The following ROBO2 variants were observed in gnomAD, a reference collection of about 807,000 sequenced individuals.
The protein encoded by ROBO2 is roundabout guidance receptor 2, also known as roundabout homolog 2.
In ROBO2, 53 loss-of-function variants were observed where a neutral mutation model predicts 160.8. That is an observed-to-expected ratio of 0.33 (90% confidence interval 0.26 to 0.41). The LOEUF is 0.41. Among genes scored for constraint, ROBO2 ranks in the 10% least tolerant of loss-of-function variants. The pLI is 1.00. For synonymous variants in ROBO2, 664 were observed against 611.7 expected, an observed-to-expected ratio of 1.09 and a Z score of -1.26; for missense variants, 1,577 against 1,722.4, an observed-to-expected ratio of 0.92 and a Z score of 1.49.
chr3:77,064,150 C>T (rs190931006), intron 1 of ROBO2, among the ~76,000 whole-genome samples: 1 of 151,958 alleles, frequency 6.6e-6, no homozygotes, highest in East Asian at 1.9e-4. Context: ...TTGTTATAAA[C>T]GTTTGATTTT....
At position 77,361,452 on chromosome 3, in the gene ROBO2, A is replaced by G. The variant is rs575308355; in HGVS notation, c.389-115962A>G. Among the ~76,000 whole-genome samples the G allele has an allele frequency of 1.2e-3, 178 of 152,304 alleles. 2 individuals carry two copies. The highest frequency in any genetic ancestry group is 3.9e-3 in the African/African-American group (164 of 41,578). On this transcript the variant is annotated intron_variant, in intron 2 of 25. Coordinates refer to ENST00000461745, the Ensembl canonical transcript of ROBO2. ...TTAAAAACATGTTATATATCAAGCT[A>G]TCTGTCTTAGTTGGTTCAGGTTGCT...
intron 2 of ROBO2, among the ~76,000 whole-genome samples, chr3:76,480,339 C>T (rs540989011): frequency 6.6e-6 from 1 of 152,136 alleles, no homozygotes; most frequent in South Asian, 2.1e-4. Context: ...TGCTGATGGC[C>T]TCTGGTTGAA....
At chr3:76,325,195 A>G (rs564578755) in intron 2 of ROBO2, among the ~76,000 whole-genome samples, 7 of 152,354 alleles carry the variant, frequency 4.6e-5, no homozygotes, top group African/African-American at 7.2e-5. Flanking sequence ...TAACACTACA[A>G]TGTAAACGCT....
At chr3:77,401,574 G>A (rs1223869872) in intron 2 of ROBO2, among the ~76,000 whole-genome samples, 4 of 152,080 alleles carry the variant, frequency 2.6e-5, no homozygotes, top group Non-Finnish European at 5.9e-5. Context: ...TTGAAAACTT[G>A]GTGGCCTTTA....
chr3:77,384,513 C>A (rs1385492743), intron 2 of ROBO2, among the ~76,000 whole-genome samples: 1 of 152,142 alleles, frequency 6.6e-6, no homozygotes, highest in Non-Finnish European at 1.5e-5. Context: ...CTCTCTCCAA[C>A]TTTTAGAAAC....
At chr3:76,534,050 T>G (rs1009303965) in intron 2 of ROBO2, among the ~76,000 whole-genome samples, 1 of 152,172 alleles carries the variant, frequency 6.6e-6, no homozygotes, top group African/African-American at 2.4e-5. Context: ...AACATTCCTG[T>G]CTTTTTATTT....
At chr3:77,251,016 G>T (rs1216605989) in intron 2 of ROBO2, among the ~76,000 whole-genome samples, 1 of 152,114 alleles carries the variant, frequency 6.6e-6, no homozygotes, top group Admixed American at 6.6e-5. Flanking sequence ...TCTCATGTCT[G>T]CAGCTTTCTC....
chr3:76,643,798 G>A (rs1427230535), intron 2 of ROBO2, among the ~76,000 whole-genome samples: 3 of 152,082 alleles, frequency 2.0e-5, no homozygotes, highest in African/African-American at 7.2e-5. Context: ...ATTTATGGCT[G>A]TCCTGGGCCC....
chr3:76,381,473 C>CT (rs1439035986), intron 2 of ROBO2, among the ~76,000 whole-genome samples: 2 of 152,110 alleles, frequency 1.3e-5, no homozygotes. Context: ...CCTCAGCCTC[C>CT]TGAGTAGCTG....
At position 76,712,534 on chromosome 3, in the gene ROBO2, G is replaced by A. The variant is rs373278370; in HGVS notation, c.110-385480G>A. On this transcript the variant is annotated intron_variant, in intron 2 of 26. Transcript: ENST00000487694. ...TACTAAAAATACAAAAATTAGCTGGGTGTGGTGGTATGTGCCTGTAATCCC... is the reference window on the plus strand; with the variant it reads ...TACTAAAAATACAAAAATTAGCTGGATGTGGTGGTATGTGCCTGTAATCCC... 3.3e-5 allele frequency among the ~76,000 whole-genome samples: 5 copies of A among 152,108 alleles called. No individual in the cohort carries two copies. In the East Asian group the frequency reaches 7.8e-4, roughly 24 times the overall value.
chr3:77,110,853 C>G (rs114350395), intron 2 of ROBO2, among the ~76,000 whole-genome samples: 1 of 151,852 alleles, frequency 6.6e-6, no homozygotes, highest in Admixed American at 6.6e-5. Context: ...GTCACCAAGC[C>G]CAGCCAATTT....
chr3:77,538,394 G>A (rs2092286435), intron 6 of ROBO2, among the ~76,000 whole-genome samples: 1 of 151,890 alleles, frequency 6.6e-6, no homozygotes, highest in Non-Finnish European at 1.5e-5. Context: ...AGCCAGGATG[G>A]TCTCGATCTC....
intron 2 of ROBO2, among the ~76,000 whole-genome samples, chr3:76,191,950 A>T (rs962231562): frequency 2.0e-5 from 3 of 151,896 alleles, no homozygotes; most frequent in Non-Finnish European, 4.4e-5. Context: ...ACAGGGTGAA[A>T]CTCCAGTGCT....
intron 13 of ROBO2, among the ~76,000 whole-genome samples, chr3:77,572,085 T>C (rs1367517025): frequency 1.3e-5 from 2 of 152,030 alleles, no homozygotes; most frequent in African/African-American, 2.4e-5. Flanking sequence ...AAACCAAACA[T>C]GGATAAAACC....
chr3:76,304,804 C>CT lies in ROBO2; in HGVS notation c.109+367211dup, dbSNP rs1257198788. On this transcript the variant is annotated intron_variant, in intron 2 of 26. Coordinates refer to the ROBO2 transcript ENST00000487694. ...TTTCTTTCTTTCTTTCTTTCTCTTT[C>CT]TTTTTTTTTGTCTGTGTGTGTAATG... Among the ~76,000 whole-genome samples, 165 of 93,600 alleles carry CT rather than the reference C, an allele frequency of 1.8e-3. 2 individuals carry two copies. The highest frequency in any genetic ancestry group is 3.3e-3 in the Admixed American group (29 of 8,682). The allele number at this position is 93,600 out of a possible 152,430, so 61.4% of individuals were successfully genotyped here. A position where few individuals can be genotyped will look rare whatever the true frequency, so the allele number is the denominator to read the frequency against.
intron 2 of ROBO2, among the ~76,000 whole-genome samples, chr3:76,350,643 G>A (rs1053298643): frequency 2.0e-5 from 3 of 151,856 alleles, no homozygotes; most frequent in South Asian, 2.1e-4. Context: ...TACCACAGAA[G>A]TCTGAAAGCA....
chr3:76,634,572 A>T (rs2090212072), intron 2 of ROBO2, among the ~76,000 whole-genome samples: 1 of 97,334 alleles, frequency 1.0e-5, no homozygotes, highest in Non-Finnish European at 2.5e-5. Flanking sequence ...CGTCTCAAAG[A>T]GAAAAAAAAA....
chr3:76,003,088 T>C (rs933714904), intron 2 of ROBO2, among the ~76,000 whole-genome samples: 11 of 152,228 alleles, frequency 7.2e-5, no homozygotes, highest in Non-Finnish European at 1.5e-4. Flanking sequence ...AGACCACTGC[T>C]GGGCCCACTA....
Position 77,647,095 on chromosome 3 carries a change from T to G in ROBO2, c.*1040T>G, listed in dbSNP as rs539305333. On this transcript the variant is annotated 3_prime_UTR_variant, in exon 26 of 26. Transcript: ENST00000461745. The stretch of plus-strand genomic sequence containing the variant: ...AATAGTTAAAGAAGCAATTTATTAT[T>G]AGGGCATACTCGGGCTGTTTCCAAA... 8.5e-5 allele frequency: 13 copies of G among 152,658 alleles called. No homozygotes were observed. In the South Asian group the frequency reaches 2.5e-3, roughly 29 times the overall value. 9.5% of individuals were successfully genotyped at this position (152,658 alleles called of 1,614,324 possible).
Sources: allele counts gnomAD v4.1 joint callset (sites outside exome capture counted in the v4.1 genomes callset), GRCh38; gene constraint gnomAD v4.1.1; transcripts MANE v1.5; gene names NCBI Gene and HGNC (gene_info 2026-07-23, HGNC 2026-07-21).